The following TRPM3 variants were observed in gnomAD, a reference collection of about 807,000 sequenced individuals.
The protein encoded by TRPM3 is transient receptor potential cation channel subfamily M member 3, also known as long transient receptor potential channel 3.
A neutral mutation model predicts 181.2 loss-of-function variants in TRPM3; 77 were observed. The observed-to-expected ratio is 0.42, with a 90% CI of 0.35 to 0.51. The LOEUF (loss-of-function observed/expected upper bound fraction) is 0.51. Among genes scored for constraint, TRPM3 ranks in the 20% least tolerant of loss-of-function variants. The probability of loss-of-function intolerance (pLI) is 0.01; values close to 1 mark genes in which losing one functional copy is unlikely to be tolerated. For synonymous variants in TRPM3, 745 were observed against 796.4 expected, an observed-to-expected ratio of 0.94 and a Z score of 1.09; for missense variants, 1,759 against 2,196.7, an observed-to-expected ratio of 0.80 and a Z score of 3.98.
chr9:70,739,071 C>T (rs1474767029), intron 8 of TRPM3, among the ~76,000 whole-genome samples: 1 of 152,024 alleles, frequency 6.6e-6, no homozygotes, highest in African/African-American at 2.4e-5. Context: ...GAATGGGTAC[C>T]AATCCTATTG....
chr9:71,391,052 A>G (rs1327384312), intron 1 of TRPM3, among the ~76,000 whole-genome samples: 1 of 152,036 alleles, frequency 6.6e-6, no homozygotes, highest in Non-Finnish European at 1.5e-5. Context: ...GTGAGTAGAT[A>G]AGAAAGCAAA....
chr9:71,377,957 G>A (rs928693206), intron 1 of TRPM3, among the ~76,000 whole-genome samples: 5 of 151,790 alleles, frequency 3.3e-5, no homozygotes, highest in East Asian at 1.9e-4. Context: ...AATATATCAC[G>A]ATTTATTTAT....
At chr9:71,209,407 G>GGAGA (rs3040615) in intron 1 of TRPM3, among the ~76,000 whole-genome samples, 134,339 of 138,252 alleles carry the variant, frequency 0.97, 65,356 homozygotes, top group East Asian at 1. Context: ...AAGGAGGGAG[G>GGAGA]GAGAGAGAGA....
chr9:71,285,012 T>G (rs2085163730), intron 1 of TRPM3, among the ~76,000 whole-genome samples: 1 of 152,220 alleles, frequency 6.6e-6, no homozygotes, highest in African/African-American at 2.4e-5. Flanking sequence ...ATTTCAATTT[T>G]AATTAAAATC....
rs777688983 is a variant in TRPM3, at chr9:70,639,209, A to C, written c.1447-15T>G. On this transcript the variant is annotated splice_polypyrimidine_tract_variant and intron_variant, in intron 10 of 25. Coordinates refer to ENST00000677713, the MANE Select transcript of TRPM3 (RefSeq NM_001366145.2). ...AGAGATCCCACCTGCAAACCAAGTC[A>C]CTGAGTTAGTCTGCCCCAGGGTCTA... The C allele has an allele frequency of 6.2e-7, 1 of 1,613,342 alleles. No homozygotes were observed. Among genetic ancestry groups the C allele is most frequent in the South Asian group, 1.1e-5 (1 of 90,948 alleles).
chr9:70,691,947 T>C (rs2068711822), intron 8 of TRPM3, among the ~76,000 whole-genome samples: 3 of 152,190 alleles, frequency 2.0e-5, no homozygotes, highest in Admixed American at 6.5e-5. Context: ...CATCCCTCTT[T>C]TCCTCTTATC....
At chr9:71,405,083 T>C (rs979785142) in intron 1 of TRPM3, among the ~76,000 whole-genome samples, 1 of 152,228 alleles carries the variant, frequency 6.6e-6, no homozygotes. Context: ...ATGGATTCTA[T>C]CTCATTTTAC....
At chr9:70,986,293 G>A (rs1386733525) in intron 1 of TRPM3, among the ~76,000 whole-genome samples, 1 of 152,132 alleles carries the variant, frequency 6.6e-6, no homozygotes, top group Non-Finnish European at 1.5e-5. Flanking sequence ...GAATCCAGAA[G>A]TTCAAGGCTG....
chr9:71,010,765 C>G (rs2097728054), intron 1 of TRPM3, among the ~76,000 whole-genome samples: 1 of 152,026 alleles, frequency 6.6e-6, no homozygotes, highest in Non-Finnish European at 1.5e-5. Context: ...TCCAGCAATC[C>G]CATTACTGAG....
At chr9:71,265,153 CAT>C (rs2083300813) in intron 1 of TRPM3, among the ~76,000 whole-genome samples, 2 of 152,040 alleles carry the variant, frequency 1.3e-5, no homozygotes, top group Non-Finnish European at 2.9e-5. Flanking sequence ...AAAGAAAAAA[CAT>C]AAAAGTTAAT....
intron 1 of TRPM3, among the ~76,000 whole-genome samples, chr9:71,113,782 G>A (rs1297858708): frequency 6.6e-6 from 1 of 152,204 alleles, no homozygotes; most frequent in Non-Finnish European, 1.5e-5. Context: ...ATAAAAATGA[G>A]ATACTGAGGC....
At chr9:71,245,430 C>T (rs7035778) in intron 1 of TRPM3, among the ~76,000 whole-genome samples, 59,375 of 133,654 alleles carry the variant, frequency 0.44, 12,814 homozygotes, top group South Asian at 0.56. Flanking sequence ...GGTGAGAGAG[C>T]GAGACTCCAT....
At chr9:71,356,346 A>C (rs1349133393) in intron 1 of TRPM3, among the ~76,000 whole-genome samples, 1 of 151,938 alleles carries the variant, frequency 6.6e-6, no homozygotes, top group African/African-American at 2.4e-5. Context: ...AATAGGCCCC[A>C]GTGTGTGTTG....
chr9:71,143,912 T>G (rs1454665486), intron 1 of TRPM3, among the ~76,000 whole-genome samples: 1 of 152,206 alleles, frequency 6.6e-6, no homozygotes, highest in Non-Finnish European at 1.5e-5. Context: ...TATCTCATTG[T>G]GCTTTTGATT....
chr9:71,249,194 G>C (rs1483247271), intron 1 of TRPM3, among the ~76,000 whole-genome samples: 1 of 151,966 alleles, frequency 6.6e-6, no homozygotes, highest in Non-Finnish European at 1.5e-5. Context: ...GCCAACCAAG[G>C]CTTCTCCATA....
chr9:71,368,318 C>T (rs761479897), intron 1 of TRPM3, among the ~76,000 whole-genome samples: 1 of 152,128 alleles, frequency 6.6e-6, no homozygotes, highest in Non-Finnish European at 1.5e-5. Flanking sequence ...CTGAATCTTT[C>T]ACTAGCCAAC....
intron 6 of TRPM3, chr9:70,827,010 T>C (rs1470731099): frequency 6.6e-6 from 1 of 152,210 alleles, no homozygotes; most frequent in Non-Finnish European, 1.5e-5. Context: ...AAACAAATGT[T>C]TACACAATAA....
At chr9:70,809,783 A>G (rs2091537851) in intron 6 of TRPM3, among the ~76,000 whole-genome samples, 1 of 152,232 alleles carries the variant, frequency 6.6e-6, no homozygotes, top group Non-Finnish European at 1.5e-5. Context: ...GTTTGGACCC[A>G]GAACTATTAG....
intron 9 of TRPM3, among the ~76,000 whole-genome samples, chr9:70,669,565 T>G (rs1297043559): frequency 6.6e-6 from 1 of 152,174 alleles, no homozygotes; most frequent in Middle Eastern, 3.2e-3. Context: ...ATTGGAACTC[T>G]GCTTAGGAAG....
Sources: allele counts gnomAD v4.1 joint callset (sites outside exome capture counted in the v4.1 genomes callset), GRCh38; gene constraint gnomAD v4.1.1; transcripts MANE v1.5; gene names NCBI Gene and HGNC (gene_info 2026-07-23, HGNC 2026-07-21).